The following TNF variants were observed in gnomAD, a reference collection of about 807,000 sequenced individuals.
TNF encodes the protein APC1 protein.
In TNF, 7 loss-of-function variants were observed where a neutral mutation model predicts 21.8. That is an observed-to-expected ratio of 0.32 (90% CI 0.18 to 0.60). TNF has a LOEUF of 0.60. Ranked by LOEUF, TNF falls within the 20% of genes least tolerant of loss-of-function variation. The probability of loss-of-function intolerance (pLI) is 0.84; values close to 1 mark genes in which losing one functional copy is unlikely to be tolerated. For missense variants in TNF, 216 were observed against 296.6 expected (o/e 0.73, Z 2.00); for synonymous variants, 123 against 130.2 (o/e 0.94, Z 0.38).
chr6:31,575,748 A>G lies in TNF; in HGVS notation c.7A>G (p.Thr3Ala), dbSNP rs1771144082. The G allele has an allele frequency of 1.3e-6, 2 of 1,590,030 alleles. No individual in the cohort carries two copies. The highest frequency in any genetic ancestry group is 1.7e-6 in the Non-Finnish European group (2 of 1,168,440). The change falls in exon 1 of 4, where the codon ACT (threonine) becomes GCT (alanine). Residue 3 changes from threonine (T) to alanine (A), a missense_variant. By Grantham distance (58) the Thr-to-Ala change is moderately conservative. This residue lies in a region of TNF where 118 missense variants were observed against 127.1 expected (regional missense o/e 0.93). Transcript: ENST00000449264. The surrounding 1 kb of genome is among the most constrained non-coding windows in gnomAD (Gnocchi z 6.2). MS[T>A]ESMIRDVELA... ...CTCCCCTGGAAAGGACACCATGAGC[A>G]CTGAAAGCATGATCCGGGACGTGGA...
rs762461783 is a variant in TNF at position 31,576,585 on chromosome 6, T to A, written c.232+6T>A. The A allele has an allele frequency of 6.2e-7, 1 of 1,613,332 alleles. No homozygotes were observed. The highest frequency in any genetic ancestry group is 8.5e-7 in the Non-Finnish European group (1 of 1,179,798). ...CCCTCTGGCCCAGGCAGTCAGTAAG[T>A]GTCTCCAAACCTCTTTCCTAATTCT... On this transcript the variant is annotated splice_donor_region_variant and intron_variant, in intron 2 of 3. Transcript: ENST00000449264.
chr6:31,577,664 G>T lies in TNF; in HGVS notation c.*127G>T. 8.2e-7 allele frequency: 1 copy of T among 1,221,492 alleles called. No individual in the cohort carries two copies. 75.7% of individuals were successfully genotyped at this position (1,221,492 alleles called of 1,614,324 possible). On this transcript the variant is annotated 3_prime_UTR_variant, in exon 4 of 4. Transcript: ENST00000449264. This position sits in a 1 kb window ranked among gnomAD's most constrained non-coding sequence, Gnocchi z 7.7. ...TTGGGGGCTTAGGGTCGGAACCCAA[G>T]CTTAGAACTTTAAGCAACAAGACCA...
chr6:31,576,689 T>G, intron 2 of TNF, 78 bp from the exon 3 acceptor site: 2 of 1,561,498 alleles, frequency 1.3e-6, no homozygotes, highest in Non-Finnish European at 1.7e-6. Flanking sequence ...TGGGGGAGGA[T>G]GGATGGAGGT....
At position 31,577,665 on chromosome 6, in the gene TNF, C is replaced by T. The variant is rs763985399; in HGVS notation, c.*128C>T. The T allele has an allele frequency of 1.7e-6, 2 of 1,212,100 alleles. No individual in the cohort carries two copies. The highest frequency in any genetic ancestry group is 3.0e-5 in the African/African-American group (2 of 66,898). The allele number at this position is 1,212,100 out of a possible 1,614,324, so 75.1% of individuals were successfully genotyped here. A position where few individuals can be genotyped will look rare whatever the true frequency, so the allele number is the denominator to read the frequency against. ...TGGGGGCTTAGGGTCGGAACCCAAG[C>T]TTAGAACTTTAAGCAACAAGACCAC... On this transcript the variant is annotated 3_prime_UTR_variant, in exon 4 of 4. Transcript: ENST00000449264. The surrounding 1 kb of genome is among the most constrained non-coding windows in gnomAD (Gnocchi z 7.7).
At position 31,576,576 on chromosome 6, in the gene TNF, G is replaced by A; in HGVS notation, c.229G>A (p.Val77Ile). Residue 77 changes from valine (V) to isoleucine (I), a missense_variant, in exon 2 of 4, where the codon GTC becomes ATC. Physicochemically the swap from Val to Ile is conservative, Grantham distance 29 (BLOSUM62 3). Around this residue, in one of 2 missense-constraint regions of TNF, gnomAD observed 118 missense variants for 127.1 expected, o/e 0.93. Coordinates refer to ENST00000449264, the MANE Select transcript of TNF (RefSeq NM_000594.4). The stretch of plus-strand genomic sequence containing the variant: ...TCTAATCAGCCCTCTGGCCCAGGCA[G>A]TCAGTAAGTGTCTCCAAACCTCTTT... The part of the protein sequence containing the change: ...LSLISPLAQA[V>I]RSSSRTPSDK... 6.2e-7 allele frequency: 1 copy of A among 1,613,662 alleles called. No homozygotes were observed. The highest frequency in any genetic ancestry group is 1.1e-5 in the South Asian group (1 of 91,076).
At chr6:31,576,139 G>A (rs1320262242) in intron 1 of TNF, among the ~76,000 whole-genome samples, 1 of 152,088 alleles carries the variant, frequency 6.6e-6, no homozygotes, top group Non-Finnish European at 1.5e-5. Flanking sequence ...TCTGGCACAT[G>A]GAAGGTGCTC....
rs1374918617 is a variant in TNF at position 31,577,444 on chromosome 6, G to C, written c.609G>C (p.Glu203Asp). The C allele has an allele frequency of 6.2e-7, 1 of 1,613,012 alleles. No individual in the cohort carries two copies. The highest frequency in any genetic ancestry group is 8.5e-7 in the Non-Finnish European group (1 of 1,180,050). Residue 203 changes from glutamate to aspartate, a missense_variant, in exon 4 of 4, where the codon GAG (glutamate) becomes GAC (aspartate). Glu to Asp is a conservative substitution (Grantham distance 45). Transcript: ENST00000449264. This position sits in a 1 kb window ranked among gnomAD's most constrained non-coding sequence, Gnocchi z 7.7. ...ATCTGGGAGGGGTCTTCCAGCTGGA[G>C]AAGGGTGACCGACTCAGCGCTGAGA... ...PIYLGGVFQL[E>D]KGDRLSAEIN...
Position 31,577,210 on chromosome 6 carries a change from G to T in TNF, c.375G>T (p.Val125=). The change falls in exon 4 of 4, where the codon GTG becomes GTT. Residue 125 remains valine (V), a synonymous_variant. Coordinates refer to ENST00000449264, the MANE Select transcript of TNF (RefSeq NM_000594.4). This position sits in a 1 kb window ranked among gnomAD's most constrained non-coding sequence, Gnocchi z 7.7. ...NGVELRDNQL[V]VPSEGLYLIY... is the part of the protein sequence containing the mutation. The stretch of plus-strand genomic sequence containing the variant: ...TGGAGCTGAGAGATAACCAGCTGGT[G>T]GTGCCATCAGAGGGCCTGTACCTCA... 6.2e-7 allele frequency: 1 copy of T among 1,613,094 alleles called. No individual in the cohort carries two copies. Among genetic ancestry groups the T allele is most frequent in the Non-Finnish European group, 8.5e-7 (1 of 1,180,018 alleles).
intron 1 of TNF, 133 bp from the exon 2 acceptor site, chr6:31,576,401 G>T: frequency 1.2e-6 from 1 of 832,496 alleles, no homozygotes. Flanking sequence ...ATGCCTGGAA[G>T]GTGAATACAC....
At position 31,576,750 on chromosome 6, in the gene TNF, TTC is replaced by T; in HGVS notation, c.233-10_233-9del. ...AGTTTAAGGGTCTCAGCTTTTTCTT[TTC>T]TCTCTCCTCTTCAGGATCATCTTCT... On this transcript the variant is annotated splice_polypyrimidine_tract_variant and intron_variant, in intron 2 of 3. Coordinates refer to ENST00000449264, the MANE Select transcript of TNF (RefSeq NM_000594.4). The T allele has an allele frequency of 6.2e-7, 1 of 1,613,120 alleles. No individual in the cohort carries two copies. Among genetic ancestry groups the T allele is most frequent in the Non-Finnish European group, 8.5e-7 (1 of 1,179,994 alleles).
Position 31,576,550 on chromosome 6 carries a change from C to T in TNF, c.203C>T (p.Ser68Phe). The change falls in exon 2 of 4, where the codon TCT (serine) becomes TTT (phenylalanine). Residue 68 changes from serine (S) to phenylalanine (F), a missense_variant. Coordinates refer to ENST00000449264, the MANE Select transcript of TNF (RefSeq NM_000594.4). ...PQREEFPRDL[S>F]LISPLAQAVR... ...CCCCAACAGTTCCCCAGGGACCTCTCTCTAATCAGCCCTCTGGCCCAGGCA... is the reference window on the plus strand; with the variant it reads ...CCCCAACAGTTCCCCAGGGACCTCTTTCTAATCAGCCCTCTGGCCCAGGCA... 6.2e-7 allele frequency: 1 copy of T among 1,613,888 alleles called. No individual in the cohort carries two copies. Among genetic ancestry groups the T allele is most frequent in the Non-Finnish European group, 8.5e-7 (1 of 1,179,982 alleles).
Position 31,577,764 on chromosome 6 carries a change from G to T in TNF, c.*227G>T, listed in dbSNP as rs1250899482. 1 of 626,712 alleles carries T rather than the reference G, an allele frequency of 1.6e-6. No individual in the cohort carries two copies. Among genetic ancestry groups the T allele is most frequent in the Admixed American group, 2.7e-5 (1 of 37,414 alleles). The allele number at this position is 626,712 out of a possible 1,614,324, so 38.8% of individuals were successfully genotyped here. A position where few individuals can be genotyped will look rare whatever the true frequency, so the allele number is the denominator to read the frequency against. On this transcript the variant is annotated 3_prime_UTR_variant, in exon 4 of 4. Transcript: ENST00000449264. The surrounding 1 kb of genome is among the most constrained non-coding windows in gnomAD (Gnocchi z 7.7). ...CTGGCAACCACTAAGAATTCAAACT[G>T]GGGCCTCCAGAACTCACTGGGGCCT... is the stretch of plus-strand genomic sequence containing the variant.
rs1325729936 is a variant in TNF, at chr6:31,577,822, G to A, written c.*285G>A. ...TGATCCCTGACATCTGGAATCTGGA[G>A]ACCAGGGAGCCTTTGGTTCTGGCCA... On this transcript the variant is annotated 3_prime_UTR_variant, in exon 4 of 4. Coordinates refer to ENST00000449264, the MANE Select transcript of TNF (RefSeq NM_000594.4). The surrounding 1 kb of genome is among the most constrained non-coding windows in gnomAD (Gnocchi z 7.7). 1 of 554,802 alleles carries A rather than the reference G, an allele frequency of 1.8e-6. No homozygotes were observed. Among genetic ancestry groups the A allele is most frequent in the Non-Finnish European group, 3.2e-6 (1 of 308,246 alleles). The allele number at this position is 554,802 out of a possible 1,614,324, so 34.4% of individuals were successfully genotyped here.
At chr6:31,576,687 G>A in intron 2 of TNF, 80 bp from the exon 3 acceptor site, 1 of 1,597,064 alleles carries the variant, frequency 6.3e-7, no homozygotes, top group African/African-American at 1.4e-5. Flanking sequence ...CTTGGGGGAG[G>A]ATGGATGGAG....
In TNF at chr6:31,577,278, C is replaced by A. The variant is rs552363141; in HGVS notation, c.443C>A (p.Thr148Asn). The change falls in exon 4 of 4, where the codon ACC becomes AAC. Residue 148 changes from threonine to asparagine, a missense_variant. Coordinates refer to ENST00000449264, the MANE Select transcript of TNF (RefSeq NM_000594.4). This position sits in a 1 kb window ranked among gnomAD's most constrained non-coding sequence, Gnocchi z 7.7. Reference protein sequence around the residue: ...VLFKGQGCPSTHVLLTHTISR... With the variant: ...VLFKGQGCPSNHVLLTHTISR... ...TTCAAGGGCCAAGGCTGCCCCTCCA[C>A]CCATGTGCTCCTCACCCACACCATC... 1 of 1,613,224 alleles carries A rather than the reference C, an allele frequency of 6.2e-7. No individual in the cohort carries two copies. Among genetic ancestry groups the A allele is most frequent in the African/African-American group, 1.3e-5 (1 of 75,064 alleles).
At chr6:31,576,112 G>A (rs1771168950) in intron 1 of TNF, among the ~76,000 whole-genome samples, 185 bp downstream of exon 1, 1 of 152,190 alleles carries the variant, frequency 6.6e-6, no homozygotes, top group Non-Finnish European at 1.5e-5. Context: ...GAGAGAGAAA[G>A]ATGGAGAGAC....
chr6:31,575,983 A>G lies in TNF; in HGVS notation c.186+56A>G. The G allele has an allele frequency of 1.4e-6, 2 of 1,424,148 alleles. No individual in the cohort carries two copies. Among genetic ancestry groups the G allele is most frequent in the African/African-American group, 2.9e-5 (2 of 68,238 alleles). The allele number at this position is 1,424,148 out of a possible 1,614,324, so 88.2% of individuals were successfully genotyped here. A position where few individuals can be genotyped will look rare whatever the true frequency, so the allele number is the denominator to read the frequency against. ...CCCACCCAAGGGGAAATGGAGACGC[A>G]AGAGAGGGAGAGAGATGGGATGGGT... is the stretch of plus-strand genomic sequence containing the variant. On this transcript the variant is annotated intron_variant, in intron 1 of 3. Transcript: ENST00000449264. This position sits in a 1 kb window ranked among gnomAD's most constrained non-coding sequence, Gnocchi z 6.2.
rs1277907874 is a variant in TNF at position 31,575,997 on chromosome 6, G to C, written c.186+70G>C. The C allele has an allele frequency of 1.4e-6, 2 of 1,398,158 alleles. No homozygotes were observed. Among genetic ancestry groups the C allele is most frequent in the African/African-American group, 3.0e-5 (2 of 67,522 alleles). The allele number at this position is 1,398,158 out of a possible 1,614,324, so 86.6% of individuals were successfully genotyped here. A position where few individuals can be genotyped will look rare whatever the true frequency, so the allele number is the denominator to read the frequency against. On this transcript the variant is annotated intron_variant, in intron 1 of 3. Coordinates refer to ENST00000449264, the MANE Select transcript of TNF (RefSeq NM_000594.4). This position sits in a 1 kb window ranked among gnomAD's most constrained non-coding sequence, Gnocchi z 6.2. The stretch of plus-strand genomic sequence containing the variant: ...AATGGAGACGCAAGAGAGGGAGAGA[G>C]ATGGGATGGGTGAAAGATGTGCGCT...
At position 31,577,581 on chromosome 6, in the gene TNF, A is replaced by G. The variant is rs745590537; in HGVS notation, c.*44A>G. 6.2e-7 allele frequency: 1 copy of G among 1,609,436 alleles called. No individual in the cohort carries two copies. ...CTTCCCAAACGCCTCCCCTGCCCCA[A>G]TCCCTTTATTACCCCCTCCTTCAGA... is the stretch of plus-strand genomic sequence containing the variant. On this transcript the variant is annotated 3_prime_UTR_variant, in exon 4 of 4. Coordinates refer to ENST00000449264, the MANE Select transcript of TNF (RefSeq NM_000594.4). This position sits in a 1 kb window ranked among gnomAD's most constrained non-coding sequence, Gnocchi z 7.7.
Sources: allele counts gnomAD v4.1 joint callset (sites outside exome capture counted in the v4.1 genomes callset), GRCh38; gene constraint gnomAD v4.1.1; regional missense constraint gnomAD v4.1.1; non-coding constraint Gnocchi (gnomAD v3.1); transcripts MANE v1.5; gene names NCBI Gene and HGNC (gene_info 2026-07-23, HGNC 2026-07-21).